The following DPYS variants were observed in gnomAD, a reference collection of about 807,000 sequenced individuals.
DPYS encodes the protein dihydropyrimidine amidohydrolase.
In DPYS, 39 loss-of-function variants were observed where a neutral mutation model predicts 50.3. The ratio of observed to expected loss-of-function variants is 0.78; its 90% CI spans 0.60 to 1.01. DPYS has a LOEUF of 1.01. Among genes scored for constraint, DPYS ranks in the 50% least tolerant of loss-of-function variants. DPYS has a pLI of 0.00. For synonymous variants in DPYS, 245 were observed against 250.7 expected, an observed-to-expected ratio of 0.98 and a Z score of 0.22; for missense variants, 659 against 680.9, an observed-to-expected ratio of 0.97 and a Z score of 0.36.
chr8:104,396,727 C>T (rs1811601158), intron 7 of DPYS, among the ~76,000 whole-genome samples: 1 of 150,548 alleles, frequency 6.6e-6, no homozygotes, highest in Admixed American at 6.6e-5. Flanking sequence ...TTCCAGGTAT[C>T]TTCAGTGTTC....
chr8:104,458,208 C>T (rs1051908558), intron 1 of DPYS, among the ~76,000 whole-genome samples: 3 of 152,212 alleles, frequency 2.0e-5, no homozygotes, highest in Non-Finnish European at 2.9e-5. Context: ...ATATCTGCCA[C>T]TTCCAATCTT....
Position 104,438,818 on chromosome 8 carries a change from C to T in DPYS, c.793+5430G>A, listed in dbSNP as rs140834165. 7.9e-5 allele frequency among the ~76,000 whole-genome samples: 12 copies of T among 152,172 alleles called. No individual in the cohort carries two copies. The East Asian group carries it at 2.1e-3, about 27-fold the overall frequency. ...AGATGTCAGGCTGGGCGTGGTGGCT[C>T]ACAGCTCTAATCCCAGCTCTGTGGG... On this transcript the variant is annotated intron_variant, in intron 4 of 9. Coordinates refer to ENST00000351513, the MANE Select transcript of DPYS (RefSeq NM_001385.3).
At chr8:104,426,388 T>G (rs1812721224) in intron 6 of DPYS, among the ~76,000 whole-genome samples, 1 of 152,104 alleles carries the variant, frequency 6.6e-6, no homozygotes, top group African/African-American at 2.4e-5. Context: ...TGTACTGGAG[T>G]AAAGAATACA....
chr8:104,390,830 C>T (rs1456439520), intron 8 of DPYS, among the ~76,000 whole-genome samples: 1 of 152,030 alleles, frequency 6.6e-6, no homozygotes, highest in Admixed American at 6.6e-5. Context: ...AAAAATACCT[C>T]CCTCCCTCCC....
Position 104,466,749 on chromosome 8 carries a change from G to A in DPYS, c.172C>T (p.Leu58Phe), listed in dbSNP as rs904023588. 1 of 1,535,416 alleles carries A rather than the reference G, an allele frequency of 6.5e-7. No individual in the cohort carries two copies. Among genetic ancestry groups the A allele is most frequent in the Non-Finnish European group, 8.7e-7 (1 of 1,145,804 alleles). ...GTGTCGATGCCTCCGGGCAGGACGAGCTTGCCGGCGGCGTCGAGGACCCGC... is the reference window on the plus strand; with the variant it reads ...GTGTCGATGCCTCCGGGCAGGACGAACTTGCCGGCGGCGTCGAGGACCCGC... ...GLRVLDAAGK[L>F]VLPGGIDTHT... The change falls in exon 1 of 10, where the codon CTC becomes TTC. Residue 58 changes from leucine to phenylalanine, a missense_variant. Transcript: ENST00000351513.
At chr8:104,401,943 C>G (rs1027547584) in intron 7 of DPYS, among the ~76,000 whole-genome samples, 7 of 152,188 alleles carry the variant, frequency 4.6e-5, no homozygotes, top group Admixed American at 2.6e-4. Context: ...ATTGCTTCAG[C>G]CACGTTATTA....
chr8:104,449,111 G>C (rs1024287461), intron 2 of DPYS, among the ~76,000 whole-genome samples: 10 of 152,192 alleles, frequency 6.6e-5, no homozygotes, highest in Non-Finnish European at 1.3e-4. Context: ...GTGATGGAAT[G>C]TGCTCCAAGT....
chr8:104,451,009 G>C (rs375994649), intron 2 of DPYS, among the ~76,000 whole-genome samples: 5 of 152,132 alleles, frequency 3.3e-5, no homozygotes, highest in Non-Finnish European at 7.4e-5. Context: ...TGTTATGAAT[G>C]AGCATAAAAG....
At chr8:104,385,776 G>C (rs1811193658) in intron 8 of DPYS, among the ~76,000 whole-genome samples, 1 of 152,120 alleles carries the variant, frequency 6.6e-6, no homozygotes, top group South Asian at 2.1e-4. Flanking sequence ...TGGCCCCTTT[G>C]GCTCTCTCCC....
At chr8:104,460,464 T>C (rs979876395) in intron 1 of DPYS, among the ~76,000 whole-genome samples, 1 of 152,220 alleles carries the variant, frequency 6.6e-6, no homozygotes, top group Non-Finnish European at 1.5e-5. Flanking sequence ...TCCCCGGTCA[T>C]GCCTCCTGTA....
intron 7 of DPYS, among the ~76,000 whole-genome samples, chr8:104,403,861 A>G (rs1811907679): frequency 6.6e-6 from 1 of 152,158 alleles, no homozygotes; most frequent in South Asian, 2.1e-4. Flanking sequence ...GGGCTGAAGC[A>G]CTCCTTTAAA....
At chr8:104,405,721 A>G (rs1811974205) in intron 7 of DPYS, among the ~76,000 whole-genome samples, 1 of 152,242 alleles carries the variant, frequency 6.6e-6, no homozygotes, top group Non-Finnish European at 1.5e-5. Flanking sequence ...TGCCTGGAGC[A>G]GGCACAAGGC....
At chr8:104,410,547 T>A (rs1469624088) in intron 7 of DPYS, among the ~76,000 whole-genome samples, 3 of 151,948 alleles carry the variant, frequency 2.0e-5, no homozygotes, top group Non-Finnish European at 4.4e-5. Flanking sequence ...CAAACCAGGG[T>A]GAGTTGGTTT....
At chr8:104,435,739 C>T (rs1021072454) in intron 4 of DPYS, among the ~76,000 whole-genome samples, 4 of 152,022 alleles carry the variant, frequency 2.6e-5, no homozygotes, top group Non-Finnish European at 5.9e-5. Flanking sequence ...GCTTTGGATG[C>T]ACTGAATATT....
At position 104,457,665 on chromosome 8, in the gene DPYS, C is replaced by A. The variant is rs145892974; in HGVS notation, c.265-6261G>T. ...TGTTTGAGCCTTAATGAGAAAAGTT[C>A]GTGGCTGAATTTCTAGCTCTCTCAC... On this transcript the variant is annotated intron_variant, in intron 1 of 9. Coordinates refer to ENST00000351513, the MANE Select transcript of DPYS (RefSeq NM_001385.3). Among the ~76,000 whole-genome samples, 846 of 152,242 alleles carry A rather than the reference C, an allele frequency of 5.6e-3. 11 individuals carry two copies. The highest frequency in any genetic ancestry group is 0.019 in the African/African-American group (805 of 41,552).
chr8:104,443,401 T>A (rs1813418507), intron 4 of DPYS, among the ~76,000 whole-genome samples: 1 of 152,174 alleles, frequency 6.6e-6, no homozygotes, highest in African/African-American at 2.4e-5. Context: ...ACTTAGATTT[T>A]AAAATCTTAA....
intron 2 of DPYS, among the ~76,000 whole-genome samples, chr8:104,450,151 A>AAGGG (rs1491532575): frequency 1.5e-5 from 2 of 133,552 alleles, no homozygotes; most frequent in South Asian, 4.9e-4. Flanking sequence ...AGAAAGAAGG[A>AAGGG]AGGGAGGAAG....
chr8:104,396,336 G>C (rs905775675), intron 7 of DPYS, among the ~76,000 whole-genome samples: 4 of 152,122 alleles, frequency 2.6e-5, no homozygotes, highest in Non-Finnish European at 4.4e-5. Context: ...AATTTGTGCT[G>C]AAATGGTTAT....
At position 104,387,589 on chromosome 8, in the gene DPYS, G is replaced by A. The variant is rs557527384; in HGVS notation, c.1443+5195C>T. Reference sequence around the variant, plus strand: ...GTTAAAGGGATTGGCTTTGGAGGTAGACAAACCTGGGTTTGAGTCCCAACA... The same window carrying A: ...GTTAAAGGGATTGGCTTTGGAGGTAAACAAACCTGGGTTTGAGTCCCAACA... On this transcript the variant is annotated intron_variant, in intron 8 of 9. Coordinates refer to ENST00000351513, the MANE Select transcript of DPYS (RefSeq NM_001385.3). Among the ~76,000 whole-genome samples, 77 of 152,286 alleles carry A rather than the reference G, an allele frequency of 5.1e-4. 3 individuals carry two copies. In the South Asian group the frequency reaches 0.016, roughly 32 times the overall value.
Sources: allele counts gnomAD v4.1 joint callset (sites outside exome capture counted in the v4.1 genomes callset), GRCh38; gene constraint gnomAD v4.1.1; transcripts MANE v1.5; gene names NCBI Gene and HGNC (gene_info 2026-07-23, HGNC 2026-07-21).